Variants in MRPS28 observed in about 807,000 individuals in gnomAD.
MRPS28 encodes small ribosomal subunit protein bS1m.
In MRPS28, 7 loss-of-function variants were observed where a neutral mutation model predicts 10.8. The observed-to-expected ratio is 0.65, with a 90% CI of 0.37 to 1.22. The LOEUF is 1.22. Among genes scored for constraint, MRPS28 ranks in the 50% most tolerant of loss-of-function variants. MRPS28 has a pLI of 0.02. For missense variants in MRPS28, 265 were observed against 232.9 expected (o/e 1.14, Z -0.90); for synonymous variants, 121 against 93.3 (o/e 1.30, Z -1.71).
At chr8:79,983,533 T>G (rs1278830756) in intron 2 of MRPS28, among the ~76,000 whole-genome samples, 1 of 152,020 alleles carries the variant, frequency 6.6e-6, no homozygotes, top group African/African-American at 2.4e-5. Context: ...TGAAAAAAAT[T>G]TAGACGAATG....
At chr8:79,970,380 A>T (rs1231326983) in intron 2 of MRPS28, among the ~76,000 whole-genome samples, 1 of 152,196 alleles carries the variant, frequency 6.6e-6, no homozygotes, top group South Asian at 2.1e-4. Context: ...TTCTCTAGCT[A>T]TTTGAGCAAT....
At chr8:80,029,195 T>C (rs1025451504) in intron 1 of MRPS28, among the ~76,000 whole-genome samples, 5 of 152,182 alleles carry the variant, frequency 3.3e-5, no homozygotes, top group African/African-American at 1.2e-4. Flanking sequence ...AATAATAAAC[T>C]AATATACCAG....
chr8:80,021,688 AAATAATGTGGGAT>A (rs1299875924), intron 1 of MRPS28, among the ~76,000 whole-genome samples: 3 of 152,234 alleles, frequency 2.0e-5, no homozygotes, highest in South Asian at 4.1e-4. Context: ...ACCTTACAGG[AAATAATGTGGGAT>A]AACTGTCACA....
At chr8:79,920,313 A>G (rs185955805) in intron 2 of MRPS28, among the ~76,000 whole-genome samples, 3,251 of 152,240 alleles carry the variant, frequency 0.021, 67 homozygotes, top group Non-Finnish European at 0.035. Flanking sequence ...CCCAGTAATG[A>G]GATGGCTGGG....
At chr8:79,982,435 C>T (rs930095437) in intron 2 of MRPS28, among the ~76,000 whole-genome samples, 1 of 152,158 alleles carries the variant, frequency 6.6e-6, no homozygotes, top group Non-Finnish European at 1.5e-5. Flanking sequence ...TGCAGCGCAC[C>T]GTGCGTGAGC....
At chr8:79,999,224 G>T (rs942042308) in intron 2 of MRPS28, among the ~76,000 whole-genome samples, 1 of 152,206 alleles carries the variant, frequency 6.6e-6, no homozygotes, top group African/African-American at 2.4e-5. Flanking sequence ...CAGAGAACAC[G>T]TGTCCAGCCC....
At chr8:79,967,719 A>G (rs1371996842) in intron 2 of MRPS28, among the ~76,000 whole-genome samples, 1 of 151,686 alleles carries the variant, frequency 6.6e-6, no homozygotes, top group Non-Finnish European at 1.5e-5. Context: ...AAGTGATACT[A>G]TTTGGCACTG....
chr8:79,981,850 T>A (rs1218484851), intron 2 of MRPS28, among the ~76,000 whole-genome samples: 2 of 152,240 alleles, frequency 1.3e-5, no homozygotes, highest in African/African-American at 4.8e-5. Context: ...ATGAACATTA[T>A]AATATGCTCA....
chr8:79,958,607 T>A (rs1243412710), intron 2 of MRPS28, among the ~76,000 whole-genome samples: 1 of 152,188 alleles, frequency 6.6e-6, no homozygotes, highest in Non-Finnish European at 1.5e-5. Context: ...AGGGCTGTCC[T>A]GAGCCTTTGC....
At chr8:80,024,296 A>C (rs1288069556) in intron 1 of MRPS28, among the ~76,000 whole-genome samples, 2 of 152,222 alleles carry the variant, frequency 1.3e-5, no homozygotes, top group African/African-American at 2.4e-5. Flanking sequence ...AAAGATGCAT[A>C]AACCAATATT....
chr8:79,921,685 G>A (rs1484059923), intron 2 of MRPS28, among the ~76,000 whole-genome samples: 4 of 152,142 alleles, frequency 2.6e-5, no homozygotes, highest in Non-Finnish European at 5.9e-5. Context: ...ATTTTGGGCT[G>A]AGACAATGGG....
chr8:79,950,702 G>T (rs1425452443), intron 2 of MRPS28, among the ~76,000 whole-genome samples: 1 of 152,218 alleles, frequency 6.6e-6, no homozygotes, highest in Non-Finnish European at 1.5e-5. Flanking sequence ...AAAACTTTGA[G>T]TTTCAGAGCT....
chr8:79,982,582 G>C (rs868477700), intron 2 of MRPS28, among the ~76,000 whole-genome samples: 7 of 152,202 alleles, frequency 4.6e-5, no homozygotes, highest in Admixed American at 2.0e-4. Context: ...TTTTCCGACG[G>C]TCTTAAAAAA....
chr8:79,952,568 C>T (rs1807105470), intron 2 of MRPS28, among the ~76,000 whole-genome samples: 3 of 152,208 alleles, frequency 2.0e-5, no homozygotes, highest in African/African-American at 2.4e-5. Context: ...CTCCTCTCCA[C>T]ATGGCAAAAT....
intron 2 of MRPS28, among the ~76,000 whole-genome samples, chr8:79,981,175 C>T (rs1482284635): frequency 2.0e-5 from 3 of 151,998 alleles, no homozygotes; most frequent in Non-Finnish European, 4.4e-5. Flanking sequence ...CAAAAAAATA[C>T]AAAAATTTGC....
chr8:79,978,495 C>T (rs1027764932), intron 2 of MRPS28, among the ~76,000 whole-genome samples: 12 of 152,140 alleles, frequency 7.9e-5, no homozygotes, highest in African/African-American at 2.9e-4. Flanking sequence ...TACTAGCTCA[C>T]GACTTTGCAT....
At chr8:79,972,937 A>G (rs1337874934) in intron 2 of MRPS28, among the ~76,000 whole-genome samples, 19 of 152,358 alleles carry the variant, frequency 1.2e-4, no homozygotes, top group Admixed American at 1.2e-3. Context: ...GAATGCTCTC[A>G]AAAACCAAAT....
intron 2 of MRPS28, among the ~76,000 whole-genome samples, chr8:79,966,065 GT>G (rs1055758512): frequency 1.1e-4 from 16 of 151,974 alleles, no homozygotes; most frequent in Middle Eastern, 3.4e-3. Context: ...TTGACCAAAG[GT>G]TCTCCTAAAA....
intron 1 of MRPS28, among the ~76,000 whole-genome samples, chr8:80,006,402 C>G (rs79311456): frequency 1.3e-5 from 2 of 151,280 alleles, no homozygotes; most frequent in South Asian, 2.1e-4. Flanking sequence ...ACAAAATGAA[C>G]GCAGAAATAA....
Sources: allele counts gnomAD v4.1 joint callset (sites outside exome capture counted in the v4.1 genomes callset), GRCh38; gene constraint gnomAD v4.1.1; transcripts MANE v1.5; gene names NCBI Gene and HGNC (gene_info 2026-07-23, HGNC 2026-07-21).